CIMIP4: variants seen among roughly 807,000 people sequenced by gnomAD.
The protein encoded by CIMIP4 is protein EAN57.
chr22:37,000,976 T>A, the CIMIP4 span, among the ~76,000 whole-genome samples: 1 of 152,132 alleles, frequency 6.6e-6, no homozygotes, highest in African/African-American at 2.4e-5. Flanking sequence ...TAGCCCCTCC[T>A]TGGGACTTGG....
the CIMIP4 span, among the ~76,000 whole-genome samples, chr22:37,007,260 A>C: frequency 6.6e-6 from 1 of 152,148 alleles, no homozygotes; most frequent in Non-Finnish European, 1.5e-5. Context: ...AAGCATTCTC[A>C]CATCTGGTAA....
At chr22:36,992,967 T>C in the CIMIP4 span, among the ~76,000 whole-genome samples, 1 of 150,210 alleles carries the variant, frequency 6.7e-6, no homozygotes, top group South Asian at 2.1e-4. Flanking sequence ...ACATGTAAGC[T>C]GAGGTGGAGG....
At chr22:36,997,218 C>A in the CIMIP4 span, among the ~76,000 whole-genome samples, 1 of 152,116 alleles carries the variant, frequency 6.6e-6, no homozygotes, top group Non-Finnish European at 1.5e-5. Flanking sequence ...AAAAATCAAC[C>A]CCAGGTGGAT....
chr22:36,998,361 A>G, the CIMIP4 span, among the ~76,000 whole-genome samples: 28 of 152,250 alleles, frequency 1.8e-4, no homozygotes, highest in African/African-American at 6.3e-4. Context: ...CTGGTTCCTC[A>G]GGTGACAGGG....
the CIMIP4 span, among the ~76,000 whole-genome samples, chr22:36,996,103 T>C: frequency 1.3e-5 from 2 of 151,844 alleles, no homozygotes; most frequent in African/African-American, 4.8e-5. Context: ...ATTAAGTTAT[T>C]TAACTTTTCC....
At chr22:36,997,826 G>A in the CIMIP4 span, among the ~76,000 whole-genome samples, 1 of 152,276 alleles carries the variant, frequency 6.6e-6, no homozygotes, top group East Asian at 1.9e-4. Context: ...TCACTCCTGT[G>A]CAGCCATACC....
At chr22:37,002,906 A>C in the CIMIP4 span, among the ~76,000 whole-genome samples, 2 of 152,054 alleles carry the variant, frequency 1.3e-5, no homozygotes, top group Non-Finnish European at 2.9e-5. Context: ...GCCACCTCCC[A>C]GGCTCTCTCC....
At chr22:37,000,018 T>C in the CIMIP4 span, 10 of 1,592,876 alleles carry the variant, frequency 6.3e-6, no homozygotes, top group Admixed American at 1.4e-4. Flanking sequence ...AGACAGGGGA[T>C]GGAAAAGCAG....
chr22:36,993,769 T>C, the CIMIP4 span, among the ~76,000 whole-genome samples: 2 of 151,534 alleles, frequency 1.3e-5, no homozygotes, highest in Non-Finnish European at 1.5e-5. Context: ...GCAGCACAAA[T>C]AGAAAACGAA....
the CIMIP4 span, among the ~76,000 whole-genome samples, chr22:37,001,002 T>C: frequency 6.6e-6 from 1 of 152,112 alleles, no homozygotes; most frequent in Non-Finnish European, 1.5e-5. Flanking sequence ...CTATCTGTTA[T>C]AAAGGAAGCA....
chr22:37,004,053 T>A, the CIMIP4 span: 1 of 1,531,988 alleles, frequency 6.5e-7, no homozygotes, highest in Admixed American at 2.0e-5. Context: ...CGTTTCATCG[T>A]CTCAGATAAC....
chr22:37,006,152 A>G, the CIMIP4 span, among the ~76,000 whole-genome samples: 1 of 152,228 alleles, frequency 6.6e-6, no homozygotes, highest in Non-Finnish European at 1.5e-5. Flanking sequence ...GAACCCCTGT[A>G]AGTTTTACTG....
At chr22:37,003,010 C>T in the CIMIP4 span, among the ~76,000 whole-genome samples, 1 of 152,202 alleles carries the variant, frequency 6.6e-6, no homozygotes, top group East Asian at 1.9e-4. Flanking sequence ...CACAGCCTGG[C>T]CTCATCCTCC....
the CIMIP4 span, among the ~76,000 whole-genome samples, chr22:36,996,539 A>G: frequency 6.6e-6 from 1 of 152,232 alleles, no homozygotes; most frequent in South Asian, 2.1e-4. Context: ...TCGAAGGAAG[A>G]CTTAAATTAA....
the CIMIP4 span, chr22:36,999,772 G>A: frequency 1.9e-6 from 3 of 1,556,788 alleles, no homozygotes; most frequent in East Asian, 2.3e-5. Context: ...AAACCCCAAA[G>A]GCCTTCCCTG....
the CIMIP4 span, among the ~76,000 whole-genome samples, chr22:36,999,119 A>G: frequency 6.6e-6 from 1 of 151,962 alleles, no homozygotes; most frequent in Non-Finnish European, 1.5e-5. Flanking sequence ...GGGGAGCAGC[A>G]GTCCCAGTTC....
the CIMIP4 span, chr22:37,004,054 C>G: frequency 6.5e-7 from 1 of 1,529,934 alleles, no homozygotes; most frequent in Non-Finnish European, 8.8e-7. Flanking sequence ...GTTTCATCGT[C>G]TCAGATAACA....
chr22:36,991,684 G>A, the CIMIP4 span: 14 of 1,035,334 alleles, frequency 1.4e-5, no homozygotes, highest in South Asian at 1.8e-4. Context: ...CTCTACGGAT[G>A]GTAAATTGTG....
At chr22:36,993,731 A>C in the CIMIP4 span, among the ~76,000 whole-genome samples, 1 of 152,024 alleles carries the variant, frequency 6.6e-6, no homozygotes, top group Admixed American at 6.6e-5. Flanking sequence ...TCCATCTCAA[A>C]AAAAAAGAAA....
Sources: allele counts gnomAD v4.1 joint callset (sites outside exome capture counted in the v4.1 genomes callset), GRCh38; gene constraint gnomAD v4.1.1; transcripts MANE v1.5; gene names NCBI Gene and HGNC (gene_info 2026-07-23, HGNC 2026-07-21).